The following FHIT variants were observed in gnomAD, a reference collection of about 807,000 sequenced individuals.
FHIT encodes the protein bis(5'-adenosyl)-triphosphatase.
FHIT carries 19 observed loss-of-function variants against 17.9 expected under a neutral mutation model. That is an observed-to-expected ratio of 1.06 (90% confidence interval 0.74 to 1.56). The LOEUF is 1.56. FHIT is among the 40% of genes most tolerant of loss of function. The probability of loss-of-function intolerance (pLI) is 0.00; values close to 1 mark genes in which losing one functional copy is unlikely to be tolerated. For synonymous variants in FHIT, 81 were observed against 69.7 expected (o/e 1.16, Z -0.81); for missense variants, 248 against 189.2 (o/e 1.31, Z -1.82).
rs116060879 is a variant in FHIT, at chr3:60,354,029, T to A, written c.103+182831A>T. ...AGACTTATGTAGTAGGATTTTTCTA[T>A]CACGATGATGGGCTGGAGAATCCAA... On this transcript the variant is annotated intron_variant, in intron 5 of 9. Coordinates refer to ENST00000492590, the MANE Select transcript of FHIT (RefSeq NM_002012.4). 6.0e-3 allele frequency among the ~76,000 whole-genome samples: 918 copies of A among 152,184 alleles called. 14 individuals are homozygous for A. The highest frequency in any genetic ancestry group is 0.021 in the African/African-American group (863 of 41,536).
chr3:60,560,104 G>A (rs930026158), intron 4 of FHIT, among the ~76,000 whole-genome samples: 6 of 151,960 alleles, frequency 3.9e-5, no homozygotes, highest in Non-Finnish European at 8.8e-5. Context: ...CAGTTTCTAA[G>A]TACACAAACA....
intron 4 of FHIT, among the ~76,000 whole-genome samples, chr3:60,625,254 G>A (rs991828519): frequency 1.4e-4 from 22 of 152,148 alleles, no homozygotes; most frequent in African/African-American, 4.8e-4. Context: ...GAACATTCAC[G>A]TACAAGCTTT....
Position 60,112,014 on chromosome 3 carries a change from C to A in FHIT, c.104-97862G>T, listed in dbSNP as rs1337804554. ...AAATCCCAACTAAAACGGGCATAAA[C>A]CATAAGAGAAATTATTGTCTCACAC... On this transcript the variant is annotated intron_variant, in intron 5 of 9. Transcript: ENST00000492590. Among the ~76,000 whole-genome samples the A allele has an allele frequency of 2.6e-5, 4 of 152,264 alleles. No individual in the cohort carries two copies. The South Asian group carries it at 8.3e-4, about 32-fold the overall frequency.
At chr3:61,027,486 A>G (rs138872231) in intron 3 of FHIT, among the ~76,000 whole-genome samples, 1 of 152,336 alleles carries the variant, frequency 6.6e-6, no homozygotes, top group Non-Finnish European at 1.5e-5. Context: ...ATCTCTTCCT[A>G]ATTCACTTGC....
intron 4 of FHIT, among the ~76,000 whole-genome samples, chr3:60,745,394 C>A (rs561726285): frequency 3.9e-5 from 6 of 152,204 alleles, no homozygotes; most frequent in Admixed American, 1.3e-4. Flanking sequence ...GTGGAGAATG[C>A]AAGGAATAGA....
At chr3:61,244,412 G>T (rs535561682) in intron 1 of FHIT, among the ~76,000 whole-genome samples, 34 of 152,190 alleles carry the variant, frequency 2.2e-4, no homozygotes, top group South Asian at 6.2e-4. Flanking sequence ...AAGGATCCCA[G>T]ATTTTGTCCA....
intron 5 of FHIT, among the ~76,000 whole-genome samples, chr3:60,020,961 T>C (rs1162592087): frequency 6.6e-6 from 1 of 152,206 alleles, no homozygotes; most frequent in South Asian, 2.1e-4. Context: ...TCTTGCTTTG[T>C]TTGGGCCACA....
intron 2 of FHIT, among the ~76,000 whole-genome samples, chr3:61,094,985 A>G (rs2035594820): frequency 6.6e-6 from 1 of 152,212 alleles, no homozygotes; most frequent in Admixed American, 6.5e-5. Flanking sequence ...AACCACAGAA[A>G]GCAAAACCGT....
chr3:60,035,147 G>T (rs997640112), intron 5 of FHIT, among the ~76,000 whole-genome samples: 15 of 152,292 alleles, frequency 9.8e-5, no homozygotes, highest in Admixed American at 7.8e-4. Flanking sequence ...TGAGCTTAGC[G>T]ATGAGTATAC....
chr3:61,142,990 AT>A (rs564550234), intron 2 of FHIT, among the ~76,000 whole-genome samples: 2 of 151,746 alleles, frequency 1.3e-5, no homozygotes, highest in East Asian at 1.9e-4. Flanking sequence ...TTACCAGGGA[AT>A]TTTTTTTTAT....
At chr3:60,548,677 G>A (rs1366350291) in intron 4 of FHIT, among the ~76,000 whole-genome samples, 1 of 152,164 alleles carries the variant, frequency 6.6e-6, no homozygotes, top group African/African-American at 2.4e-5. Flanking sequence ...TGTAAGAAAT[G>A]TAGATTCCCA....
chr3:60,219,753 G>C (rs1703874726), intron 5 of FHIT, among the ~76,000 whole-genome samples: 1 of 152,020 alleles, frequency 6.6e-6, no homozygotes, highest in Admixed American at 6.6e-5. Flanking sequence ...TCCTCACCCA[G>C]AAGCTAATGA....
intron 3 of FHIT, among the ~76,000 whole-genome samples, chr3:61,023,618 C>T (rs1038820105): frequency 3.3e-5 from 5 of 152,134 alleles, no homozygotes; most frequent in African/African-American, 1.2e-4. Flanking sequence ...ATTACAGTAA[C>T]CAAAACAGCA....
At position 59,857,488 on chromosome 3, in the gene FHIT, A is replaced by G. The variant is rs114279483; in HGVS notation, c.348+64858T>C. ...TGGAGTTTTATTCCACCAGGTTATC[A>G]AAAATGTTGCCAATAATCTCTTTCA... On this transcript the variant is annotated intron_variant, in intron 8 of 9. Coordinates refer to ENST00000492590, the MANE Select transcript of FHIT (RefSeq NM_002012.4). 4.4e-3 allele frequency among the ~76,000 whole-genome samples: 665 copies of G among 152,272 alleles called. 5 individuals are homozygous for G. Among genetic ancestry groups the G allele is most frequent in the African/African-American group, 0.015 (640 of 41,528 alleles).
chr3:59,901,554 C>T (rs1704331034), intron 8 of FHIT, among the ~76,000 whole-genome samples: 1 of 152,068 alleles, frequency 6.6e-6, no homozygotes, highest in Non-Finnish European at 1.5e-5. Context: ...GATGCCTCAC[C>T]CAAACAAAAG....
intron 4 of FHIT, among the ~76,000 whole-genome samples, chr3:60,783,898 G>C (rs1553726249): frequency 6.6e-6 from 1 of 152,184 alleles, no homozygotes; most frequent in Admixed American, 6.5e-5. Context: ...TTTAATCATA[G>C]TCAAATTACT....
intron 1 of FHIT, among the ~76,000 whole-genome samples, chr3:61,234,217 T>C (rs1215775837): frequency 1.3e-5 from 2 of 152,112 alleles, no homozygotes; most frequent in African/African-American, 4.8e-5. Context: ...CACTGCTTGC[T>C]GCAAAGAAAA....
intron 7 of FHIT, among the ~76,000 whole-genome samples, chr3:59,956,366 G>T (rs553293058): frequency 2.4e-4 from 36 of 152,040 alleles, no homozygotes; most frequent in Admixed American, 2.2e-3. Context: ...AGACCTATTT[G>T]CCAAAAAAGA....
intron 3 of FHIT, among the ~76,000 whole-genome samples, chr3:60,842,333 G>C (rs1474308177): frequency 2.0e-5 from 3 of 150,456 alleles, no homozygotes; most frequent in African/African-American, 4.9e-5. Context: ...AGACAGTATT[G>C]ATCTCCCACC....
Sources: gnomAD v4.1 joint callset for allele counts (sites outside exome capture counted in the v4.1 genomes callset) on GRCh38, gnomAD v4.1.1 for gene constraint, MANE v1.5 for transcripts, NCBI Gene and HGNC (gene_info 2026-07-23, HGNC 2026-07-21) for gene names.